The following OTOGL variants were observed in gnomAD, a reference collection of about 807,000 sequenced individuals.
OTOGL encodes otogelin like.
In OTOGL, 285 loss-of-function variants were observed where a neutral mutation model predicts 318.5. The observed-to-expected ratio is 0.89, with a 90% CI of 0.81 to 0.99. The LOEUF (loss-of-function observed/expected upper bound fraction) is 0.99, where lower values mean the gene tolerates loss of function less well. Among genes scored for constraint, OTOGL ranks in the 50% least tolerant of loss-of-function variants. OTOGL has a pLI of 0.00. For synonymous variants in OTOGL, 987 were observed against 936.5 expected (o/e 1.05, Z -0.99); for missense variants, 2,899 against 2,845.6 (o/e 1.02, Z -0.43).
Position 80,296,866 on chromosome 12 carries a change from A to C in OTOGL, c.2968A>C (p.Lys990Gln). 2 of 1,528,704 alleles carry C rather than the reference A, an allele frequency of 1.3e-6. No individual in the cohort carries two copies. Among genetic ancestry groups the C allele is most frequent in the South Asian group, 2.4e-5 (2 of 83,364 alleles). The allele number at this position is 1,528,704 out of a possible 1,614,324, so 94.7% of individuals were successfully genotyped here. A position where few individuals can be genotyped will look rare whatever the true frequency, so the allele number is the denominator to read the frequency against. Residue 990 changes from lysine to glutamine, a missense_variant, in exon 27 of 59, where the codon AAG becomes CAG. Around this residue, in one of 3 missense-constraint regions of OTOGL, gnomAD observed 2,607 missense variants for 2,524.9 expected, o/e 1.03. Transcript: ENST00000547103. ...DSDISVIAQN[K>Q]KCFDNDIVCS... ...AGATATATCTGTCATTGCCCAGAAC[A>C]AGAAATGCTTTGACAACGATATTGT... is the stretch of plus-strand genomic sequence containing the variant.
intron 1 of OTOGL, among the ~76,000 whole-genome samples, chr12:80,208,473 A>G (rs1048080790): frequency 1.3e-5 from 2 of 152,212 alleles, no homozygotes; most frequent in Non-Finnish European, 2.9e-5. Flanking sequence ...AATGACTTTG[A>G]TAATAGTGCA....
chr12:80,249,648 G>T (rs959919152), intron 11 of OTOGL, among the ~76,000 whole-genome samples: 1 of 152,128 alleles, frequency 6.6e-6, no homozygotes, highest in African/African-American at 2.4e-5. Flanking sequence ...CATAGGTGGA[G>T]CCTACAGAGG....
At chr12:80,262,850 CTTA>C (rs1269669611) in intron 19 of OTOGL, among the ~76,000 whole-genome samples, 2 of 152,004 alleles carry the variant, frequency 1.3e-5, no homozygotes, top group Non-Finnish European at 2.9e-5. Context: ...CTTAAATATT[CTTA>C]TAAGTTTATT....
chr12:80,144,377 A>G (rs553845751), intron 1 of OTOGL, among the ~76,000 whole-genome samples: 23 of 151,544 alleles, frequency 1.5e-4, no homozygotes, highest in African/African-American at 5.4e-4. Flanking sequence ...CCTACAAAGG[A>G]CATGAACTCA....
intron 7 of OTOGL, among the ~76,000 whole-genome samples, chr12:80,227,091 G>T (rs1331341911): frequency 6.6e-6 from 1 of 151,916 alleles, no homozygotes; most frequent in African/African-American, 2.4e-5. Context: ...CTAATATATT[G>T]GAGCTCTGGG....
intron 29 of OTOGL, among the ~76,000 whole-genome samples, chr12:80,309,161 A>T (rs1886461238): frequency 6.6e-6 from 1 of 152,216 alleles, no homozygotes; most frequent in Non-Finnish European, 1.5e-5. Context: ...TTAGCACTTA[A>T]TGTTTTCCAT....
At chr12:80,209,231 T>C (rs940793086) in intron 1 of OTOGL, among the ~76,000 whole-genome samples, 182 bp from the exon 2 acceptor site, 2 of 152,158 alleles carry the variant, frequency 1.3e-5, no homozygotes, top group Admixed American at 1.3e-4. Context: ...AATGAGAGAC[T>C]CAGCCAAAGG....
At chr12:80,129,830 C>A (rs1452529685) in intron 1 of OTOGL, among the ~76,000 whole-genome samples, 2 of 152,086 alleles carry the variant, frequency 1.3e-5, no homozygotes, top group African/African-American at 2.4e-5. Flanking sequence ...ATAGCATTTG[C>A]TTTATTGACT....
chr12:80,131,315 C>A (rs897934483), intron 1 of OTOGL, among the ~76,000 whole-genome samples: 1 of 152,168 alleles, frequency 6.6e-6, no homozygotes, highest in Admixed American at 6.5e-5. Context: ...TTCCATAGTG[C>A]ATAGAGAACA....
intron 1 of OTOGL, among the ~76,000 whole-genome samples, chr12:80,112,064 A>G (rs1029378601): frequency 6.6e-6 from 1 of 152,180 alleles, no homozygotes; most frequent in African/African-American, 2.4e-5. Context: ...TAATTGGTGT[A>G]TAGGAATGCT....
intron 32 of OTOGL, 113 bp downstream of exon 32, chr12:80,314,444 A>G (rs1324157512): frequency 1.5e-5 from 5 of 329,278 alleles, no homozygotes; most frequent in Non-Finnish European, 2.2e-5. Context: ...GTTCATAACT[A>G]TATAACTCCA....
Position 80,159,292 on chromosome 12 carries a change from T to C in OTOGL, c.-19-50121T>C, listed in dbSNP as rs530737879. On this transcript the variant is annotated intron_variant, in intron 1 of 58. Transcript: ENST00000547103. Reference sequence around the variant, plus strand: ...TCATCAGGGATACTGGTCTGTAGTTTTGATTTTTTGTTATGTCCTTTGCTG... The same window carrying C: ...TCATCAGGGATACTGGTCTGTAGTTCTGATTTTTTGTTATGTCCTTTGCTG... Among the ~76,000 whole-genome samples the C allele has an allele frequency of 1.2e-4, 18 of 152,210 alleles. No homozygotes were observed. In the East Asian group the frequency reaches 3.3e-3, roughly 28 times the overall value.
rs559340648 is a variant in OTOGL, at chr12:80,204,951, T to A, written c.-19-4462T>A. On this transcript the variant is annotated intron_variant, in intron 1 of 58. Coordinates refer to ENST00000547103, the MANE Select transcript of OTOGL (RefSeq NM_001378609.3). ...GGTGGTAAAGGATTCCCATATAAAA[T>A]GCCCTGCCAGACATGGACCCCAAAT... Among the ~76,000 whole-genome samples, 117 of 152,228 alleles carry A rather than the reference T, an allele frequency of 7.7e-4. 1 individual carries two copies. In the South Asian group the frequency reaches 0.023, roughly 30 times the overall value.
intron 26 of OTOGL, among the ~76,000 whole-genome samples, chr12:80,294,650 T>C (rs936784310): frequency 2.0e-5 from 3 of 152,220 alleles, no homozygotes; most frequent in Admixed American, 2.0e-4. Flanking sequence ...ACTCCATCTA[T>C]ACCATTCATT....
Position 80,355,893 on chromosome 12 carries a change from T to C in OTOGL, c.5751T>C (p.Ala1917=), listed in dbSNP as rs1446995624. The change falls in exon 47 of 59, where the codon GCT becomes GCC. Residue 1917 remains alanine (A), a synonymous_variant. Transcript: ENST00000547103. ...CCACGCCAGTTTGTGAACGAGAAGCTGAAGTTGTCATGGGCATCATTGATA... is the reference window on the plus strand; with the variant it reads ...CCACGCCAGTTTGTGAACGAGAAGCCGAAGTTGTCATGGGCATCATTGATA... ...EEPTPVCERE[A]EVVMGIIDKW... 17 of 1,613,928 alleles carry C rather than the reference T, an allele frequency of 1.1e-5. No individual in the cohort carries two copies. Among genetic ancestry groups the C allele is most frequent in the Non-Finnish European group, 1.4e-5 (17 of 1,179,830 alleles).
rs142843628 is a variant in OTOGL, at chr12:80,370,623, T to G, written c.6669T>G (p.Asp2223Glu). 7.8e-5 allele frequency: 124 copies of G among 1,590,964 alleles called. No homozygotes were observed. The highest frequency in any genetic ancestry group is 1.0e-4 in the Non-Finnish European group (120 of 1,165,602). ...CCACATATGAATGTGTTAAAACTGA[T>G]GAAGGAGCAATAATTCTGAACTACA... ...NCTTYECVKT[D>E]EGAIILNYTM... Residue 2223 changes from aspartate to glutamate, a missense_variant, in exon 56 of 59, where the codon GAT becomes GAG. Around this residue, in one of 3 missense-constraint regions of OTOGL, gnomAD observed 289 missense variants for 304.6 expected, o/e 0.95. Transcript: ENST00000547103.
At chr12:80,320,921 G>A (rs1401040903) in intron 34 of OTOGL, among the ~76,000 whole-genome samples, 1 of 152,000 alleles carries the variant, frequency 6.6e-6, no homozygotes, top group African/African-American at 2.4e-5. Context: ...TATTGAATAA[G>A]TTGATGTAAA....
intron 43 of OTOGL, among the ~76,000 whole-genome samples, chr12:80,341,156 G>A (rs1480207836): frequency 6.6e-6 from 1 of 151,958 alleles, no homozygotes; most frequent in African/African-American, 2.4e-5. Context: ...ATGATTGTAG[G>A]CCTGGTCTCA....
chr12:80,346,748 A>C (rs1309268417), intron 44 of OTOGL, among the ~76,000 whole-genome samples: 1 of 152,292 alleles, frequency 6.6e-6, no homozygotes, highest in South Asian at 2.1e-4. Flanking sequence ...GTGGGAAGCA[A>C]GTGAGGACAG....
Sources: allele counts gnomAD v4.1 joint callset (sites outside exome capture counted in the v4.1 genomes callset), GRCh38; gene constraint gnomAD v4.1.1; regional missense constraint gnomAD v4.1.1; transcripts MANE v1.5; gene names NCBI Gene and HGNC (gene_info 2026-07-23, HGNC 2026-07-21).